The following ATP1A4 variants were observed in gnomAD, a reference collection of about 807,000 sequenced individuals.
ATP1A4 encodes sodium/potassium-transporting ATPase subunit alpha-4.
In ATP1A4, 90 loss-of-function variants were observed where a neutral mutation model predicts 114.3. The ratio of observed to expected loss-of-function variants is 0.79; its 90% CI spans 0.66 to 0.94. The LOEUF is 0.94. Among genes scored for constraint, ATP1A4 ranks in the 40% least tolerant of loss-of-function variants. The probability of loss-of-function intolerance (pLI) is 0.00; values close to 1 mark genes in which losing one functional copy is unlikely to be tolerated. For missense variants in ATP1A4, 1,222 were observed against 1,313.6 expected (o/e 0.93, Z 1.08); for synonymous variants, 511 against 494.1 (o/e 1.03, Z -0.45).
In ATP1A4 at chr1:160,164,356, G is replaced by A. The variant is rs1240280625; in HGVS notation, c.979G>A (p.Glu327Lys). 1.2e-6 allele frequency: 2 copies of A among 1,614,132 alleles called. No homozygotes were observed. Among genetic ancestry groups the A allele is most frequent in the South Asian group, 1.1e-5 (1 of 91,080 alleles). The change falls in exon 7 of 22, where the codon GAG (glutamate) becomes AAG (lysine). Residue 327 changes from glutamate to lysine, a missense_variant. Glu to Lys is a moderately conservative substitution (Grantham distance 56). Coordinates refer to ENST00000368081, the MANE Select transcript of ATP1A4 (RefSeq NM_144699.4). ...ACTTCTCTTGGGCTATGGTTGGCTG[G>A]AGGCTATCATTTTTCTCATTGGCAT... ...LSLLLGYGWL[E>K]AIIFLIGIIV...
At chr1:160,173,492 C>T in intron 12 of ATP1A4, 89 bp from the exon 13 acceptor site, 1 of 1,525,284 alleles carries the variant, frequency 6.6e-7, no homozygotes, top group Non-Finnish European at 8.9e-7. Context: ...TTGAAAAAAG[C>T]AGTGGTCTGT....
rs755653217 is a variant in ATP1A4 at position 160,157,363 on chromosome 1, G to A, written c.525+1205G>A. 2.0e-5 allele frequency among the ~76,000 whole-genome samples: 3 copies of A among 152,046 alleles called. No individual in the cohort carries two copies. In the East Asian group the frequency reaches 5.8e-4, roughly 29 times the overall value. ...CACCCTCCACCCTCAAGTAGGCCTT[G>A]GTGTCTGTTTTTCCCCTTCTTTGTG... On this transcript the variant is annotated intron_variant, in intron 4 of 21. Coordinates refer to ENST00000368081, the MANE Select transcript of ATP1A4 (RefSeq NM_144699.4).
At chr1:160,175,946 C>A in intron 15 of ATP1A4, 146 bp from the exon 16 acceptor site, 1 of 769,010 alleles carries the variant, frequency 1.3e-6, no homozygotes, top group Non-Finnish European at 2.2e-6. Context: ...AATTTAGAAA[C>A]AATACTGGGA....
At chr1:160,173,035 C>T (rs189169001) in intron 12 of ATP1A4, among the ~76,000 whole-genome samples, 111 of 152,180 alleles carry the variant, frequency 7.3e-4, no homozygotes, top group African/African-American at 1.4e-3. Flanking sequence ...ATGGCAGGAA[C>T]GGAATGCTGT....
chr1:160,155,563 T>C (rs893340628), intron 3 of ATP1A4, among the ~76,000 whole-genome samples: 16 of 152,242 alleles, frequency 1.1e-4, no homozygotes, highest in African/African-American at 3.6e-4. Context: ...AAATCCCTAA[T>C]ACTCCACTTT....
rs765655236 is a variant in ATP1A4, at chr1:160,164,160, C to T, written c.783C>T (p.Thr261=). ...CFFSTNCVEG[T]ARGIVIATGD... ...CCTCTCCTGCTTCATCCACAGGAACCGCCCGGGGTATTGTGATTGCTACGG... is the reference window on the plus strand; with the variant it reads ...CCTCTCCTGCTTCATCCACAGGAACTGCCCGGGGTATTGTGATTGCTACGG... The change falls in exon 7 of 22, where the codon ACC becomes ACT. Residue 261 remains threonine (T), a synonymous_variant. Coordinates refer to ENST00000368081, the MANE Select transcript of ATP1A4 (RefSeq NM_144699.4). 4.3e-5 allele frequency: 69 copies of T among 1,613,654 alleles called. No homozygotes were observed. Among genetic ancestry groups the T allele is most frequent in the East Asian group, 1.3e-4 (6 of 44,862 alleles).
At chr1:160,170,974 G>A (rs1653231486) in intron 10 of ATP1A4, 4 of 324,998 alleles carry the variant, frequency 1.2e-5, no homozygotes, top group Admixed American at 9.1e-5. Flanking sequence ...TGGCAAGGAT[G>A]CAGGGGAAAA....
chr1:160,151,897 C>T lies in ATP1A4; in HGVS notation c.-144C>T, dbSNP rs145797000. On this transcript the variant is annotated 5_prime_UTR_variant, in exon 1 of 22. Transcript: ENST00000368081. ...CACCACCCAACACCTCCCTCCCTGC[C>T]TCTTTCTTTCTGCTCCCTCATTCTC... 190 of 901,798 alleles carry T rather than the reference C, an allele frequency of 2.1e-4. No individual in the cohort carries two copies. The African/African-American group carries it at 2.4e-3, about 12-fold the overall frequency. 55.9% of individuals were successfully genotyped at this position (901,798 alleles called of 1,614,324 possible).
At chr1:160,174,485 G>T (rs1165561726) in intron 14 of ATP1A4, 94 bp from the exon 15 acceptor site, 66 of 1,529,366 alleles carry the variant, frequency 4.3e-5, no homozygotes, top group Non-Finnish European at 5.5e-5. Flanking sequence ...GATTACATCA[G>T]GAAACAAGGG....
chr1:160,164,603 G>A (rs1440598603), intron 7 of ATP1A4, among the ~76,000 whole-genome samples, 179 bp downstream of exon 7: 1 of 152,090 alleles, frequency 6.6e-6, no homozygotes, highest in Non-Finnish European at 1.5e-5. Context: ...CATATATTTC[G>A]GTGTCTTCTC....
At position 160,166,520 on chromosome 1, in the gene ATP1A4, G is replaced by T; in HGVS notation, c.1048-8G>T. 1 of 1,614,116 alleles carries T rather than the reference G, an allele frequency of 6.2e-7. No individual in the cohort carries two copies. The highest frequency in any genetic ancestry group is 1.1e-5 in the South Asian group (1 of 91,080). On this transcript the variant is annotated splice_polypyrimidine_tract_variant and splice_region_variant and intron_variant, in intron 7 of 21. Transcript: ENST00000368081. The stretch of plus-strand genomic sequence containing the variant: ...CATGTGTATTCTCTCCTCTCTTCTT[G>T]GCTTTAGGTGTGCCTGACCCTCACA...
In ATP1A4 at chr1:160,176,475, C is replaced by T. The variant is rs372635124; in HGVS notation, c.2467-4C>T. The T allele has an allele frequency of 6.2e-7, 1 of 1,614,086 alleles. No homozygotes were observed. Among genetic ancestry groups the T allele is most frequent in the African/African-American group, 1.3e-5 (1 of 74,938 alleles). Reference sequence around the variant, plus strand: ...CCCTGTCATCCCCACCCTCCATCCTCCAGGTCCCTGCCATCTCCTTGGCTT... The same window carrying T: ...CCCTGTCATCCCCACCCTCCATCCTTCAGGTCCCTGCCATCTCCTTGGCTT... On this transcript the variant is annotated splice_region_variant and splice_polypyrimidine_tract_variant and intron_variant, in intron 16 of 21. Coordinates refer to ENST00000368081, the MANE Select transcript of ATP1A4 (RefSeq NM_144699.4).
intron 18 of ATP1A4, among the ~76,000 whole-genome samples, chr1:160,178,383 A>C (rs2101652854): frequency 6.8e-6 from 1 of 146,480 alleles, no homozygotes; most frequent in East Asian, 2.1e-4. Flanking sequence ...ATAAATATAA[A>C]ATTTGAAAAC....
intron 12 of ATP1A4, 118 bp downstream of exon 12, chr1:160,171,875 C>A: frequency 9.5e-7 from 1 of 1,053,276 alleles, no homozygotes; most frequent in Non-Finnish European, 1.3e-6. Context: ...ATTTCTGTTT[C>A]CTTGGGCTTA....
At position 160,171,706 on chromosome 1, in the gene ATP1A4, C is replaced by G; in HGVS notation, c.1803C>G (p.Pro601=). Residue 601 remains proline, a synonymous_variant, in exon 12 of 22, where the codon CCC becomes CCG. Transcript: ENST00000368081. ...FVGLISMIDP[P]RAAVPDAVSK... ...GCCTCATATCCATGATTGACCCTCC[C>G]CGAGCTGCAGTGCCTGATGCTGTGA... 6.2e-7 allele frequency: 1 copy of G among 1,614,154 alleles called. No homozygotes were observed. The highest frequency in any genetic ancestry group is 2.2e-5 in the East Asian group (1 of 44,876).
At position 160,171,451 on chromosome 1, in the gene ATP1A4, T is replaced by C; in HGVS notation, c.1681+11T>C. The C allele has an allele frequency of 6.2e-7, 1 of 1,610,866 alleles. No individual in the cohort carries two copies. The highest frequency in any genetic ancestry group is 1.1e-5 in the South Asian group (1 of 90,916). On this transcript the variant is annotated intron_variant, in intron 11 of 21. Coordinates refer to ENST00000368081, the MANE Select transcript of ATP1A4 (RefSeq NM_144699.4). ...GGGAACGTGTGCTAGGTGAGGAGCT[T>C]TGGGAGAAGTTTTTAAAAGAATGGC...
chr1:160,152,902 T>C (rs1027579316), intron 1 of ATP1A4, among the ~76,000 whole-genome samples: 3 of 151,940 alleles, frequency 2.0e-5, no homozygotes, highest in Non-Finnish European at 2.9e-5. Flanking sequence ...GTCCTGGTGA[T>C]GGGCCCCTGT....
chr1:160,186,571 C>T, intron 21 of ATP1A4, 100 bp from the exon 22 acceptor site: 1 of 1,401,018 alleles, frequency 7.1e-7, no homozygotes. Flanking sequence ...TGTTCCAGAC[C>T]TCCCACCTCC....
Position 160,166,726 on chromosome 1 carries a change from G to A in ATP1A4, c.1246G>A (p.Gly416Arg), listed in dbSNP as rs745626447. 1.9e-6 allele frequency: 3 copies of A among 1,614,028 alleles called. No homozygotes were observed. The highest frequency in any genetic ancestry group is 2.2e-5 in the South Asian group (2 of 91,076). ...YEADTTEEQTGKTFTKSSDTW... is the reference protein window; with the variant it reads ...YEADTTEEQTRKTFTKSSDTW... ...GGCCGACACCACTGAAGAACAGACTGGTGACTAGTGGTATTGGTGGAACAA... is the reference window on the plus strand; with the variant it reads ...GGCCGACACCACTGAAGAACAGACTAGTGACTAGTGGTATTGGTGGAACAA... Residue 416 changes from glycine to arginine, a missense_variant and splice_region_variant, in exon 8 of 22, where the codon GGA becomes AGA. Transcript: ENST00000368081.
Sources: allele counts gnomAD v4.1 joint callset (sites outside exome capture counted in the v4.1 genomes callset), GRCh38; gene constraint gnomAD v4.1.1; transcripts MANE v1.5; gene names NCBI Gene and HGNC (gene_info 2026-07-23, HGNC 2026-07-21).